GNG13: variants seen among roughly 807,000 people sequenced by gnomAD.
GNG13 encodes G protein subunit gamma 13, also known as guanine nucleotide-binding protein G(I)/G(S)/G(O) subunit gamma-13.
Under a neutral mutation model 8.2 loss-of-function variants are expected in GNG13, and 12 were observed. That is an observed-to-expected ratio of 1.47 (90% CI 0.94 to 2.38). GNG13 has a LOEUF of 2.38. Ranked by LOEUF, GNG13 falls within the 30% of genes most tolerant of loss-of-function variation. GNG13 has a pLI of 0.00. For missense variants in GNG13, 100 were observed against 85.2 expected (o/e 1.17, Z -0.68); for synonymous variants, 45 against 33.0 (o/e 1.37, Z -1.25).
At chr16:800,393 GCCACCCACC>G (rs1429217071) in intron 1 of GNG13, among the ~76,000 whole-genome samples, 1 of 152,158 alleles carries the variant, frequency 6.6e-6, no homozygotes, top group Non-Finnish European at 1.5e-5. Flanking sequence ...GCCAAGCCTG[GCCACCCACC>G]CCGTGCACCC....
intron 1 of GNG13, among the ~76,000 whole-genome samples, chr16:799,365 G>GC (rs1009490830): frequency 1.2e-4 from 18 of 152,130 alleles, no homozygotes; most frequent in Non-Finnish European, 2.5e-4. Context: ...TCCCCCATAG[G>GC]CCCCCACACC....
Position 798,570 on chromosome 16 carries a change from C to G in GNG13, c.*149G>C. 1.5e-6 allele frequency: 1 copy of G among 657,326 alleles called. No homozygotes were observed. The highest frequency in any genetic ancestry group is 2.7e-6 in the Non-Finnish European group (1 of 369,744). 40.7% of individuals were successfully genotyped at this position (657,326 alleles called of 1,614,324 possible). On this transcript the variant is annotated 3_prime_UTR_variant, in exon 3 of 3. Coordinates refer to ENST00000248150, the MANE Select transcript of GNG13 (RefSeq NM_016541.3). ...GCTCACAGGTTGGTGTGAGTGGGGC[C>G]GGGCATGGGCTCACAGGATGGTGGG...
chr16:799,250 G>A lies in GNG13; in HGVS notation c.-34-139C>T, dbSNP rs527395901. The A allele has an allele frequency of 8.2e-6, 5 of 606,844 alleles. No individual in the cohort carries two copies. In the African/African-American group the frequency reaches 9.2e-5, roughly 11 times the overall value. 37.6% of individuals were successfully genotyped at this position (606,844 alleles called of 1,614,324 possible). On this transcript the variant is annotated intron_variant, in intron 1 of 2. Coordinates refer to ENST00000248150, the MANE Select transcript of GNG13 (RefSeq NM_016541.3). The stretch of plus-strand genomic sequence containing the variant: ...CACCACTGCCTGGGCCAGTCCCCTA[G>A]GCGTTGCTAGGGTGCAGGGCACAGA...
intron 1 of GNG13, among the ~76,000 whole-genome samples, chr16:800,352 T>G (rs1328035250): frequency 6.6e-6 from 1 of 152,136 alleles, no homozygotes; most frequent in Non-Finnish European, 1.5e-5. Context: ...GCCCAGTCCT[T>G]GCTGCCCAGC....
At chr16:799,379 C>T (rs190837469) in intron 1 of GNG13, among the ~76,000 whole-genome samples, 12 of 152,324 alleles carry the variant, frequency 7.9e-5, no homozygotes, top group East Asian at 3.9e-4. Flanking sequence ...CCACACCTTA[C>T]GAAGATCCCT....
rs115921619 is a variant in GNG13, at chr16:798,933, C to T, written c.98+47G>A. ...CGTGGCTATGGAAATGAGCAGCCAG[C>T]GCAGGGCAGACAAATGAGAGGCAAA... On this transcript the variant is annotated intron_variant, in intron 2 of 2. Coordinates refer to ENST00000248150, the MANE Select transcript of GNG13 (RefSeq NM_016541.3). 1,509 of 1,379,332 alleles carry T rather than the reference C, an allele frequency of 1.1e-3. 10 individuals are homozygous for T. The African/African-American group carries it at 0.019, about 17-fold the overall frequency. 85.4% of individuals were successfully genotyped at this position (1,379,332 alleles called of 1,614,324 possible).
In GNG13 at chr16:799,026, A is replaced by G. The variant is rs765016259; in HGVS notation, c.52T>C (p.Tyr18His). 3.7e-6 allele frequency: 6 copies of G among 1,611,610 alleles called. No individual in the cohort carries two copies. The highest frequency in any genetic ancestry group is 3.3e-5 in the South Asian group (3 of 91,052). The change falls in exon 2 of 3, where the codon TAC becomes CAC. Residue 18 changes from tyrosine to histidine, a missense_variant. Coordinates refer to ENST00000248150, the MANE Select transcript of GNG13 (RefSeq NM_016541.3). ...QMKKEVESLK[Y>H]QLAFQREMAS... The stretch of plus-strand genomic sequence containing the variant: ...ATCTCCCGCTGGAAGGCCAGCTGGT[A>G]CTTGAGGCTCTCCACCTCTTTCTTC...
In GNG13 at chr16:799,066, C is replaced by G; in HGVS notation, c.12G>C (p.Trp4Cys). 7.5e-6 allele frequency: 12 copies of G among 1,601,922 alleles called. No homozygotes were observed. The highest frequency in any genetic ancestry group is 1.0e-5 in the Non-Finnish European group (12 of 1,169,544). Reference protein sequence around the residue: MEEWDVPQMKKEVE... With the variant: MEECDVPQMKKEVE... Reference sequence around the variant, plus strand: ...CCTCTTTCTTCATCTGTGGCACGTCCCACTCCTCCATGGGGTCAGGGGCTT... The same window carrying G: ...CCTCTTTCTTCATCTGTGGCACGTCGCACTCCTCCATGGGGTCAGGGGCTT... Residue 4 changes from tryptophan (W) to cysteine (C), a missense_variant, in exon 2 of 3, where the codon TGG (tryptophan) becomes TGC (cysteine). Transcript: ENST00000248150.
rs181014599 is a variant in GNG13, at chr16:798,245, A to T, written c.*474T>A. 4.0e-3 allele frequency: 2,006 copies of T among 506,574 alleles called. 16 individuals are homozygous for T. The highest frequency in any genetic ancestry group is 2.8e-3 in the Non-Finnish European group (827 of 292,966). 31.4% of individuals were successfully genotyped at this position (506,574 alleles called of 1,614,324 possible). ...GGCCGGGCGTGGTCTCACAGGATGG[A>T]GTGAATGGGGCCGGGCACAGTCTTA... On this transcript the variant is annotated 3_prime_UTR_variant, in exon 3 of 3. Coordinates refer to ENST00000248150, the MANE Select transcript of GNG13 (RefSeq NM_016541.3).
At chr16:799,889 C>T (rs1343152258) in intron 1 of GNG13, among the ~76,000 whole-genome samples, 2 of 145,156 alleles carry the variant, frequency 1.4e-5, no homozygotes, top group South Asian at 2.4e-4. Flanking sequence ...CTCTGGCCCC[C>T]GTCCCCAAGG....
chr16:800,070 C>T (rs1038460274), intron 1 of GNG13, among the ~76,000 whole-genome samples: 1 of 151,838 alleles, frequency 6.6e-6, no homozygotes, highest in African/African-American at 2.4e-5. Context: ...CTGGTGGGGT[C>T]CCGGTGGTGA....
chr16:798,932 G>A (rs1167652290), intron 2 of GNG13, 48 bp downstream of exon 2: 2 of 1,377,226 alleles, frequency 1.5e-6, no homozygotes, highest in Admixed American at 3.4e-5. Flanking sequence ...TGAGCAGCCA[G>A]CGCAGGGCAG....
At position 798,079 on chromosome 16, in the gene GNG13, G is replaced by C; in HGVS notation, c.*640C>G. On this transcript the variant is annotated 3_prime_UTR_variant, in exon 3 of 3. Transcript: ENST00000248150. ...TCACACCTTTACAGACTGTAATCAC[G>C]TGCGAGTGGAGTGGGGTTCACAGGA... 1 of 1,445,810 alleles carries C rather than the reference G, an allele frequency of 6.9e-7. No individual in the cohort carries two copies. 89.6% of individuals were successfully genotyped at this position (1,445,810 alleles called of 1,614,324 possible).
intron 2 of GNG13, 30 bp downstream of exon 2, chr16:798,950 A>C: frequency 6.9e-7 from 1 of 1,445,602 alleles, no homozygotes; most frequent in Non-Finnish European, 9.7e-7. Flanking sequence ...CAGACAAATG[A>C]GAGGCAAATC....
intron 1 of GNG13, among the ~76,000 whole-genome samples, 166 bp from the exon 2 acceptor site, chr16:799,277 C>T (rs1032204739): frequency 1.3e-5 from 2 of 152,204 alleles, no homozygotes; most frequent in African/African-American, 2.4e-5. Context: ...GGGCACAGAG[C>T]GAGTTCCCAC....
At chr16:800,409 A>AC (rs1329170776) in intron 1 of GNG13, among the ~76,000 whole-genome samples, 1 of 151,598 alleles carries the variant, frequency 6.6e-6, no homozygotes, top group Non-Finnish European at 1.5e-5. Context: ...CACCCCGTGC[A>AC]CCCCGTGGAC....
In GNG13 at chr16:798,180, G is replaced by A; in HGVS notation, c.*539C>T. 1.4e-6 allele frequency: 1 copy of A among 714,698 alleles called. No homozygotes were observed. Among genetic ancestry groups the A allele is most frequent in the Non-Finnish European group, 2.3e-6 (1 of 426,268 alleles). The allele number at this position is 714,698 out of a possible 1,614,324, so 44.3% of individuals were successfully genotyped here. On this transcript the variant is annotated 3_prime_UTR_variant, in exon 3 of 3. Coordinates refer to ENST00000248150, the MANE Select transcript of GNG13 (RefSeq NM_016541.3). ...AGGAGTGGGGCTCACAGGATGGTGGGAGTGGGGCCAGGCGTGGTCTCACAG... is the reference window on the plus strand; with the variant it reads ...AGGAGTGGGGCTCACAGGATGGTGGAAGTGGGGCCAGGCGTGGTCTCACAG...
chr16:799,524 C>T (rs752016411), intron 1 of GNG13, among the ~76,000 whole-genome samples: 93 of 152,292 alleles, frequency 6.1e-4, no homozygotes, highest in South Asian at 1.4e-3. Context: ...TGCCCCGCCC[C>T]GCTGTGTGCC....
At position 798,199 on chromosome 16, in the gene GNG13, C is replaced by G. The variant is rs2042410705; in HGVS notation, c.*520G>C. 2 of 617,370 alleles carry G rather than the reference C, an allele frequency of 3.2e-6. No homozygotes were observed. The highest frequency in any genetic ancestry group is 5.5e-6 in the Non-Finnish European group (2 of 365,164). The allele number at this position is 617,370 out of a possible 1,614,324, so 38.2% of individuals were successfully genotyped here. ...TGGTGGGAGTGGGGCCAGGCGTGGTCTCACAGGATAGAGTGAGTGGGGCCG... is the reference window on the plus strand; with the variant it reads ...TGGTGGGAGTGGGGCCAGGCGTGGTGTCACAGGATAGAGTGAGTGGGGCCG... On this transcript the variant is annotated 3_prime_UTR_variant, in exon 3 of 3. Coordinates refer to ENST00000248150, the MANE Select transcript of GNG13 (RefSeq NM_016541.3).
Sources: gnomAD v4.1 joint callset for allele counts (sites outside exome capture counted in the v4.1 genomes callset) on GRCh38, gnomAD v4.1.1 for gene constraint, MANE v1.5 for transcripts, NCBI Gene and HGNC (gene_info 2026-07-23, HGNC 2026-07-21) for gene names.